ADCY5: variants seen among roughly 807,000 people sequenced by gnomAD.
ADCY5 encodes adenylate cyclase 5.
A neutral mutation model predicts 119.7 loss-of-function variants in ADCY5; 30 were observed. The ratio of observed to expected loss-of-function variants is 0.25; its 90% confidence interval spans 0.19 to 0.34. The LOEUF (loss-of-function observed/expected upper bound fraction) is 0.34. Ranked by LOEUF, ADCY5 falls within the 10% of genes least tolerant of loss-of-function variation. The probability of loss-of-function intolerance (pLI) is 1.00; values close to 1 mark genes in which losing one functional copy is unlikely to be tolerated. For missense variants in ADCY5, 1,324 were observed against 1,775.2 expected, an observed-to-expected ratio of 0.75 and a Z score of 4.57; for synonymous variants, 753 against 762.2, an observed-to-expected ratio of 0.99 and a Z score of 0.20.
At position 123,297,373 on chromosome 3, in the gene ADCY5, G is replaced by A; in HGVS notation, c.2910C>T (p.Phe970=). Residue 970 remains phenylalanine (F), a synonymous_variant, in exon 16 of 21, where the codon TTC becomes TTT. Transcript: ENST00000462833. ...LLVTANAIDF[F]NNGTSQCPEH... ...CTCACCACTGGGAGGTCCCGTTGTT[G>A]AAGAAGTCTCTGTGAAGAGAGTTGG... 1.2e-6 allele frequency: 2 copies of A among 1,614,010 alleles called. No individual in the cohort carries two copies. The highest frequency in any genetic ancestry group is 1.7e-6 in the Non-Finnish European group (2 of 1,179,970).
chr3:123,425,984 T>A (rs556236030), intron 1 of ADCY5, among the ~76,000 whole-genome samples: 1 of 152,198 alleles, frequency 6.6e-6, no homozygotes, highest in Non-Finnish European at 1.5e-5. Context: ...TCTCCTGGAA[T>A]GTGTGGGAAT....
At chr3:123,377,248 C>T (rs571424726) in intron 1 of ADCY5, among the ~76,000 whole-genome samples, 1 of 152,182 alleles carries the variant, frequency 6.6e-6, no homozygotes, top group Non-Finnish European at 1.5e-5. Context: ...TCTCCGGGCT[C>T]GAGTCATCTG....
chr3:123,419,213 G>T (rs1189892800), intron 1 of ADCY5: 9 of 985,184 alleles, frequency 9.1e-6, no homozygotes, highest in Admixed American at 6.2e-5. Flanking sequence ...TGCATCTGAC[G>T]AGCACACAGT....
At position 123,330,882 on chromosome 3, in the gene ADCY5, CACTTA is replaced by C; in HGVS notation, c.1646+2_1646+6del. On this transcript the variant is annotated splice_donor_variant and splice_donor_5th_base_variant and intron_variant, in intron 5 of 20. Coordinates refer to ENST00000462833, the MANE Select transcript of ADCY5 (RefSeq NM_183357.3). LOFTEE classifies it high-confidence loss of function. Reference sequence around the variant, plus strand: ...AGGGAGACGGTACCCGGGGGGTGGACACTTACGAGATGGCCTCGATCATGTCCATG... The same window carrying C: ...AGGGAGACGGTACCCGGGGGGTGGACCGAGATGGCCTCGATCATGTCCATG... 6.2e-7 allele frequency: 1 copy of C among 1,606,734 alleles called. No individual in the cohort carries two copies. The highest frequency in any genetic ancestry group is 8.5e-7 in the Non-Finnish European group (1 of 1,176,494).
rs530360003 is a variant in ADCY5, at chr3:123,402,666, C to T, written c.1134+44746G>A. Among the ~76,000 whole-genome samples, 476 of 151,684 alleles carry T rather than the reference C, an allele frequency of 3.1e-3. 3 individuals are homozygous for T. Among genetic ancestry groups the T allele is most frequent in the Non-Finnish European group, 5.2e-3 (352 of 67,910 alleles). ...GAGATTGAGACCATCCTGGCTAACA[C>T]GGTGAAACCCCGTCTCTACTAAAAA... On this transcript the variant is annotated intron_variant, in intron 1 of 20. Transcript: ENST00000462833.
intron 1 of ADCY5, among the ~76,000 whole-genome samples, chr3:123,365,927 C>T (rs1369114675): frequency 1.3e-5 from 2 of 152,080 alleles, no homozygotes; most frequent in Non-Finnish European, 1.5e-5. Context: ...AGGACAGCAC[C>T]GTACTTCCCT....
chr3:123,389,766 G>A (rs9872572), intron 1 of ADCY5, among the ~76,000 whole-genome samples: 70,392 of 152,036 alleles, frequency 0.46, 18,917 homozygotes, highest in Non-Finnish European at 0.62. Context: ...TTCTCTGTCC[G>A]TGGCTCTGAA....
chr3:123,411,039 A>C (rs1945031373), intron 1 of ADCY5, among the ~76,000 whole-genome samples: 1 of 152,168 alleles, frequency 6.6e-6, no homozygotes, highest in Non-Finnish European at 1.5e-5. Flanking sequence ...TCTCCAAAGC[A>C]GCAGCTATAC....
intron 7 of ADCY5, among the ~76,000 whole-genome samples, chr3:123,327,067 T>C (rs1354677645): frequency 2.0e-5 from 3 of 152,184 alleles, no homozygotes; most frequent in East Asian, 1.9e-4. Context: ...ATTAAGAGCA[T>C]GGAACATGAC....
chr3:123,376,762 G>C (rs1161471918), intron 1 of ADCY5, among the ~76,000 whole-genome samples: 1 of 152,190 alleles, frequency 6.6e-6, no homozygotes, highest in East Asian at 1.9e-4. Flanking sequence ...GTCTGGGCAG[G>C]CAGGAGGGGG....
intron 19 of ADCY5, 141 bp downstream of exon 19, chr3:123,289,609 C>A: frequency 3.1e-6 from 3 of 970,730 alleles, no homozygotes; most frequent in Non-Finnish European, 4.7e-6. Context: ...GGGCAGGGAA[C>A]ACACCACATC....
chr3:123,427,466 A>G (rs530672258), intron 1 of ADCY5, among the ~76,000 whole-genome samples: 1 of 152,188 alleles, frequency 6.6e-6, no homozygotes, highest in Admixed American at 6.5e-5. Context: ...TCTTGCCACC[A>G]TGCCTTCGCT....
chr3:123,330,072 T>C (rs1160577178), intron 5 of ADCY5, among the ~76,000 whole-genome samples: 2 of 152,244 alleles, frequency 1.3e-5, no homozygotes, highest in Non-Finnish European at 2.9e-5. Context: ...CCAGGAGTCC[T>C]GGTCTCTCTC....
chr3:123,392,362 T>C (rs976877123), intron 1 of ADCY5, among the ~76,000 whole-genome samples: 3 of 152,134 alleles, frequency 2.0e-5, no homozygotes, highest in African/African-American at 7.2e-5. Context: ...ACACTTAAGA[T>C]GTAAGTTCTG....
At chr3:123,317,872 C>A (rs1020143430) in intron 11 of ADCY5, 148 bp downstream of exon 11, 2 of 708,092 alleles carry the variant, frequency 2.8e-6, no homozygotes, top group Non-Finnish European at 4.7e-6. Flanking sequence ...CTTCCTACCC[C>A]ACCAAGGGCA....
intron 12 of ADCY5, among the ~76,000 whole-genome samples, chr3:123,305,296 T>A (rs1410476753): frequency 6.6e-6 from 1 of 152,056 alleles, no homozygotes; most frequent in Non-Finnish European, 1.5e-5. Context: ...CCACAAGGCT[T>A]CTCCATCCCG....
intron 12 of ADCY5, among the ~76,000 whole-genome samples, chr3:123,308,596 G>A (rs575943385): frequency 9.2e-5 from 14 of 152,128 alleles, no homozygotes; most frequent in East Asian, 2.0e-4. Context: ...TTGGGAGGCC[G>A]AGGCAGGTGG....
chr3:123,329,975 G>C (rs1941680869), intron 5 of ADCY5, among the ~76,000 whole-genome samples: 1 of 152,160 alleles, frequency 6.6e-6, no homozygotes, highest in Non-Finnish European at 1.5e-5. Context: ...CCTCTCAGTG[G>C]AATCAACTGT....
intron 1 of ADCY5, among the ~76,000 whole-genome samples, chr3:123,446,143 G>T (rs997368139): frequency 6.6e-6 from 1 of 152,258 alleles, no homozygotes; most frequent in East Asian, 1.9e-4. Context: ...CACCCTGCAG[G>T]TTCAGCTAGA....
Sources: allele counts gnomAD v4.1 joint callset (sites outside exome capture counted in the v4.1 genomes callset), GRCh38; gene constraint gnomAD v4.1.1; transcripts MANE v1.5; gene names NCBI Gene and HGNC (gene_info 2026-07-23, HGNC 2026-07-21).